Variants in TCF4 observed in about 807,000 individuals in gnomAD.
The protein encoded by TCF4 is SL3-3 enhancer factor 2.
Under a neutral mutation model 82.1 loss-of-function variants are expected in TCF4, and 3 were observed. The observed-to-expected ratio is 0.04, with a 90% CI of 0.02 to 0.09. TCF4 has a LOEUF of 0.09. Among genes scored for constraint, TCF4 ranks in the 10% least tolerant of loss-of-function variants. The pLI, the probability that TCF4 is intolerant of heterozygous loss-of-function variation, is 1.00. For missense variants in TCF4, 518 were observed against 852.7 expected (o/e 0.61, Z 4.89); for synonymous variants, 276 against 309.6 (o/e 0.89, Z 1.14).
intron 4 of TCF4, among the ~76,000 whole-genome samples, chr18:55,462,220 C>A (rs558759461): frequency 6.6e-6 from 1 of 152,276 alleles, no homozygotes; most frequent in African/African-American, 2.4e-5. Flanking sequence ...ATTCTGCCAA[C>A]ATGTCCATCT....
At chr18:55,482,605 C>A (rs1022977976) in intron 3 of TCF4, 4 of 152,140 alleles carry the variant, frequency 2.6e-5, no homozygotes, top group African/African-American at 9.7e-5. Context: ...CATGCAAACT[C>A]CCTCCTTCAG....
chr18:55,353,139 T>C (rs2082663035), intron 6 of TCF4, among the ~76,000 whole-genome samples: 1 of 152,164 alleles, frequency 6.6e-6, no homozygotes, highest in South Asian at 2.1e-4. Context: ...GGCAAAGGTT[T>C]TCACTCTCAA....
At chr18:55,402,522 G>A (rs901608225) in intron 6 of TCF4, among the ~76,000 whole-genome samples, 17 of 151,576 alleles carry the variant, frequency 1.1e-4, no homozygotes, top group East Asian at 3.9e-4. Context: ...TTTTGTTTGC[G>A]TGAATAATAA....
At chr18:55,488,040 G>A (rs1025642648) in intron 3 of TCF4, among the ~76,000 whole-genome samples, 1 of 152,174 alleles carries the variant, frequency 6.6e-6, no homozygotes, top group Non-Finnish European at 1.5e-5. Flanking sequence ...AAATATCCAT[G>A]GATGGCTTTG....
intron 6 of TCF4, among the ~76,000 whole-genome samples, chr18:55,354,057 T>G (rs1414453526): frequency 6.6e-6 from 1 of 152,208 alleles, no homozygotes; most frequent in Non-Finnish European, 1.5e-5. Flanking sequence ...CTGGCAGAGC[T>G]AACCTGTAAA....
At chr18:55,579,454 CA>C (rs34291028) in intron 3 of TCF4, among the ~76,000 whole-genome samples, 130,682 of 150,240 alleles carry the variant, frequency 0.87, 57,029 homozygotes, top group East Asian at 0.99. Flanking sequence ...TCATAAAATA[CA>C]AAAAAAAAAA....
intron 3 of TCF4, among the ~76,000 whole-genome samples, chr18:55,474,536 G>T (rs1239088397): frequency 2.0e-5 from 3 of 152,078 alleles, no homozygotes; most frequent in Non-Finnish European, 2.9e-5. Context: ...ATCTTGAAAT[G>T]ATTCCAGCAA....
intron 5 of TCF4, among the ~76,000 whole-genome samples, chr18:55,406,149 T>A (rs943833128): frequency 8.3e-5 from 11 of 132,936 alleles, no homozygotes; most frequent in Non-Finnish European, 1.6e-4. Context: ...TTTTTTTTTT[T>A]AAGGATTATG....
intron 3 of TCF4, among the ~76,000 whole-genome samples, chr18:55,564,035 C>T (rs2097378821): frequency 6.6e-6 from 1 of 152,172 alleles, no homozygotes; most frequent in Non-Finnish European, 1.5e-5. Context: ...TCAGCACGCA[C>T]TGAACCAAAG....
At position 55,340,117 on chromosome 18, in the gene TCF4, C is replaced by A. The variant is rs1440479; in HGVS notation, c.549+10242G>T. 1.5e-3 allele frequency among the ~76,000 whole-genome samples: 235 copies of A among 152,244 alleles called. 1 individual carries two copies. Among genetic ancestry groups the A allele is most frequent in the African/African-American group, 5.4e-3 (225 of 41,542 alleles). On this transcript the variant is annotated intron_variant, in intron 8 of 19. Transcript: ENST00000354452. ...GGGCTGTGCATCACTTGGGCAGACCCGTTCCCGGCCTATTAGAGAATACCA... is the reference window on the plus strand; with the variant it reads ...GGGCTGTGCATCACTTGGGCAGACCAGTTCCCGGCCTATTAGAGAATACCA...
chr18:55,528,568 C>T (rs1011016125), intron 3 of TCF4, among the ~76,000 whole-genome samples: 27 of 152,058 alleles, frequency 1.8e-4, no homozygotes, highest in Admixed American at 1.7e-3. Context: ...GATGTAAAAG[C>T]AAAAATATGC....
intron 2 of TCF4, among the ~76,000 whole-genome samples, chr18:55,621,791 T>C (rs2097720507): frequency 1.1e-5 from 1 of 90,534 alleles, no homozygotes; most frequent in South Asian, 3.8e-4. Context: ...ATATATATTA[T>C]ATATTATATG....
chr18:55,471,765 C>CAAAA (rs11338618), intron 3 of TCF4, among the ~76,000 whole-genome samples: 3 of 131,510 alleles, frequency 2.3e-5, no homozygotes, highest in Admixed American at 7.8e-5. Context: ...GACTCTGTCT[C>CAAAA]AAAAAAAAAA....
intron 8 of TCF4, among the ~76,000 whole-genome samples, chr18:55,319,023 T>A (rs1404371140): frequency 6.6e-6 from 1 of 152,190 alleles, no homozygotes; most frequent in Non-Finnish European, 1.5e-5. Context: ...AAACAAGTAA[T>A]TGACTTGTCA....
In TCF4 at chr18:55,489,469, G is replaced by T. The variant is rs370490606; in HGVS notation, c.146-25332C>A. Among the ~76,000 whole-genome samples, 4 of 152,048 alleles carry T rather than the reference G, an allele frequency of 2.6e-5. No individual in the cohort carries two copies. The South Asian group carries it at 8.3e-4, about 32-fold the overall frequency. On this transcript the variant is annotated intron_variant, in intron 3 of 19. Transcript: ENST00000354452. ...CAAGTACCAGGCGAGTATCAGGGCA[G>T]ATGTTAGTCATCACCCCAAACAAGA...
chr18:55,445,942 A>C (rs2095517203), intron 5 of TCF4, among the ~76,000 whole-genome samples: 1 of 152,134 alleles, frequency 6.6e-6, no homozygotes. Flanking sequence ...TGAGTCAGAG[A>C]CCCAACCATG....
At chr18:55,333,796 A>G (rs2078069247) in intron 8 of TCF4, among the ~76,000 whole-genome samples, 2 of 152,214 alleles carry the variant, frequency 1.3e-5, no homozygotes, top group African/African-American at 2.4e-5. Context: ...GGTTTATTTT[A>G]TAGTGAATAT....
intron 5 of TCF4, among the ~76,000 whole-genome samples, chr18:55,446,866 G>GAGTA (rs1187959190): frequency 7.9e-5 from 12 of 151,638 alleles, no homozygotes; most frequent in African/African-American, 2.9e-4. Context: ...GATGCCTGTA[G>GAGTA]TCCCAGATAC....
At chr18:55,354,029 T>A (rs961152444) in intron 6 of TCF4, among the ~76,000 whole-genome samples, 1 of 152,190 alleles carries the variant, frequency 6.6e-6, no homozygotes, top group Non-Finnish European at 1.5e-5. Flanking sequence ...CAGGAAACAC[T>A]GGAGGCAGAT....
Sources: allele counts gnomAD v4.1 joint callset (sites outside exome capture counted in the v4.1 genomes callset), GRCh38; gene constraint gnomAD v4.1.1; transcripts MANE v1.5; gene names NCBI Gene and HGNC (gene_info 2026-07-23, HGNC 2026-07-21).